TGFBR2: variants seen among roughly 807,000 people sequenced by gnomAD.
TGFBR2 encodes the protein TGF-beta receptor type-2.
In TGFBR2, 18 loss-of-function variants were observed where a neutral mutation model predicts 49.0. The ratio of observed to expected loss-of-function variants is 0.37; its 90% confidence interval spans 0.25 to 0.54. The LOEUF is 0.54. Among genes scored for constraint, TGFBR2 ranks in the 20% least tolerant of loss-of-function variants. The probability of loss-of-function intolerance (pLI) is 0.85; values close to 1 mark genes in which losing one functional copy is unlikely to be tolerated. For synonymous variants in TGFBR2, 282 were observed against 275.9 expected (o/e 1.02, Z -0.22); for missense variants, 525 against 722.6 (o/e 0.73, Z 3.13).
In TGFBR2 at chr3:30,693,072, CT is replaced by C. The variant is rs1392739252; in HGVS notation, c.*1475del. The C allele has an allele frequency of 8.6e-6, 2 of 233,120 alleles. No homozygotes were observed. Among genetic ancestry groups the C allele is most frequent in the Non-Finnish European group, 1.7e-5 (2 of 117,968 alleles). 14.4% of individuals were successfully genotyped at this position (233,120 alleles called of 1,614,324 possible). On this transcript the variant is annotated 3_prime_UTR_variant, in exon 7 of 7. Transcript: ENST00000295754. ...GGGTATATAATATGATTTTGACTAC[CT>C]TATCTGGTGTTAAGATTTGAAGTTG... is the stretch of plus-strand genomic sequence containing the variant.
At chr3:30,607,258 C>G (rs75550924) in intron 1 of TGFBR2, among the ~76,000 whole-genome samples, 1 of 152,304 alleles carries the variant, frequency 6.6e-6, no homozygotes, top group East Asian at 1.9e-4. Context: ...CGAGGCGAGC[C>G]CCCACCCCCG....
intron 2 of TGFBR2, among the ~76,000 whole-genome samples, chr3:30,647,252 T>G (rs955338017): frequency 2.6e-5 from 4 of 152,192 alleles, no homozygotes; most frequent in African/African-American, 9.6e-5. Flanking sequence ...CTGGTTATTT[T>G]GCCATAATGT....
chr3:30,691,380 A>G, intron 6 of TGFBR2, 40 bp from the exon 7 acceptor site: 1 of 1,612,226 alleles, frequency 6.2e-7, no homozygotes, highest in South Asian at 1.1e-5. Flanking sequence ...CGCGGAGCCC[A>G]CCAACTCATG....
chr3:30,659,336 G>A (rs1277213829), intron 3 of TGFBR2, among the ~76,000 whole-genome samples: 3 of 152,166 alleles, frequency 2.0e-5, no homozygotes, highest in Non-Finnish European at 2.9e-5. Flanking sequence ...AGTTATTTGA[G>A]GTGATGACTC....
chr3:30,680,649 G>A (rs1699523347), intron 5 of TGFBR2, among the ~76,000 whole-genome samples: 1 of 151,714 alleles, frequency 6.6e-6, no homozygotes, highest in Non-Finnish European at 1.5e-5. Context: ...TAATGAAAGA[G>A]GCTGTCATTT....
chr3:30,614,346 A>G (rs563594255), intron 1 of TGFBR2, among the ~76,000 whole-genome samples: 2 of 152,316 alleles, frequency 1.3e-5, no homozygotes, highest in East Asian at 3.9e-4. Context: ...ACTTCATTTT[A>G]GAGAACTAGG....
At chr3:30,657,279 G>A (rs962631035) in intron 3 of TGFBR2, among the ~76,000 whole-genome samples, 2 of 152,218 alleles carry the variant, frequency 1.3e-5, no homozygotes, top group Non-Finnish European at 2.9e-5. Context: ...TACCTGTTCT[G>A]TTTGCCAAAC....
intron 5 of TGFBR2, among the ~76,000 whole-genome samples, chr3:30,686,901 A>C (rs1699631725): frequency 6.6e-6 from 1 of 152,210 alleles, no homozygotes; most frequent in Non-Finnish European, 1.5e-5. Context: ...GAGAGAATCT[A>C]AGATTCATTC....
intron 5 of TGFBR2, 86 bp from the exon 6 acceptor site, chr3:30,688,298 C>T: frequency 4.4e-6 from 7 of 1,580,960 alleles, no homozygotes; most frequent in East Asian, 2.2e-5. Context: ...GCTTCATGCT[C>T]CCCAGCCAGG....
At chr3:30,618,724 A>G (rs989051653) in intron 1 of TGFBR2, among the ~76,000 whole-genome samples, 1 of 152,242 alleles carries the variant, frequency 6.6e-6, no homozygotes, top group African/African-American at 2.4e-5. Context: ...TGATTCGATG[A>G]CAGGTTTTCA....
At chr3:30,615,731 A>G (rs1698118869) in intron 1 of TGFBR2, among the ~76,000 whole-genome samples, 1 of 130,160 alleles carries the variant, frequency 7.7e-6, no homozygotes, top group African/African-American at 3.3e-5. Context: ...TGTTGTTTGT[A>G]TGATACTATT....
intron 1 of TGFBR2, among the ~76,000 whole-genome samples, chr3:30,611,062 T>G (rs1698019866): frequency 1.3e-5 from 2 of 152,226 alleles, no homozygotes; most frequent in Non-Finnish European, 1.5e-5. Flanking sequence ...TCCTATGAGA[T>G]ACAGACCTCT....
At position 30,691,411 on chromosome 3, in the gene TGFBR2, C is replaced by T. The variant is rs1203255725; in HGVS notation, c.1525-9C>T. On this transcript the variant is annotated splice_polypyrimidine_tract_variant and intron_variant, in intron 6 of 6. Transcript: ENST00000295754. ...TCATGGTGCCCTTTGGATCTCTTTC[C>T]CGCTACAGGGCATCCAGATGGTGTG... 1 of 1,613,808 alleles carries T rather than the reference C, an allele frequency of 6.2e-7. No individual in the cohort carries two copies. Among genetic ancestry groups the T allele is most frequent in the African/African-American group, 1.3e-5 (1 of 74,930 alleles).
chr3:30,678,452 G>T (rs890517601), intron 5 of TGFBR2, among the ~76,000 whole-genome samples: 3 of 148,934 alleles, frequency 2.0e-5, no homozygotes, highest in African/African-American at 7.4e-5. Flanking sequence ...GGAGGCTGAG[G>T]CCAGAGAATG....
intron 6 of TGFBR2, among the ~76,000 whole-genome samples, chr3:30,689,200 A>T (rs1273888389): frequency 2.6e-5 from 4 of 152,274 alleles, no homozygotes; most frequent in Admixed American, 2.6e-4. Flanking sequence ...GTCATTCTGG[A>T]CTCATAAAGA....
chr3:30,677,483 C>T (rs930936909), intron 5 of TGFBR2, among the ~76,000 whole-genome samples: 2 of 152,206 alleles, frequency 1.3e-5, no homozygotes, highest in Non-Finnish European at 2.9e-5. Context: ...TCCATCCTCA[C>T]GTTCGTCCTG....
intron 1 of TGFBR2, chr3:30,623,278 A>G: frequency 6.2e-7 from 1 of 1,613,910 alleles, no homozygotes; most frequent in Non-Finnish European, 8.5e-7. Flanking sequence ...GACATAGTAA[A>G]GTATCATTAA....
chr3:30,661,332 G>C (rs1383694209), intron 3 of TGFBR2, among the ~76,000 whole-genome samples: 1 of 152,144 alleles, frequency 6.6e-6, no homozygotes, highest in Non-Finnish European at 1.5e-5. Context: ...TCATTTCCTG[G>C]ACAAAGCCTG....
chr3:30,666,892 C>T (rs956461280), intron 3 of TGFBR2, among the ~76,000 whole-genome samples: 2 of 151,890 alleles, frequency 1.3e-5, no homozygotes, highest in South Asian at 2.1e-4. Context: ...GTGATTCTCC[C>T]GCCAAAGTGC....
Sources: gnomAD v4.1 joint callset for allele counts (sites outside exome capture counted in the v4.1 genomes callset) on GRCh38, gnomAD v4.1.1 for gene constraint, MANE v1.5 for transcripts, NCBI Gene and HGNC (gene_info 2026-07-23, HGNC 2026-07-21) for gene names.